The following SATB2 variants were observed in gnomAD, a reference collection of about 807,000 sequenced individuals.
The protein encoded by SATB2 is DNA-binding protein SATB2.
In SATB2, 1 loss-of-function variant was observed where a neutral mutation model predicts 73.4. The observed-to-expected ratio is 0.01, with a 90% confidence interval of 0.00 to 0.06. The LOEUF (loss-of-function observed/expected upper bound fraction) is 0.06, where lower values mean the gene tolerates loss of function less well. SATB2 is among the 10% of genes least tolerant of loss of function. The pLI is 1.00. For missense variants in SATB2, 459 were observed against 945.8 expected (o/e 0.49, Z 6.75); for synonymous variants, 397 against 367.0 (o/e 1.08, Z -0.93).
intron 7 of SATB2, among the ~76,000 whole-genome samples, chr2:199,338,580 C>G (rs1559169630): frequency 1.3e-5 from 2 of 152,036 alleles, no homozygotes; most frequent in African/African-American, 4.8e-5. Context: ...TATAATGAGT[C>G]TGGCAACTAA....
intron 10 of SATB2, among the ~76,000 whole-genome samples, chr2:199,297,925 T>C (rs1384271384): frequency 1.4e-5 from 1 of 71,064 alleles, no homozygotes; most frequent in East Asian, 2.7e-4. Flanking sequence ...TAAGTTATAA[T>C]AACTTTTAAA....
At chr2:199,468,070 C>G (rs977265830), upstream of SATB2, 1 of 151,588 alleles carries the variant, frequency 6.6e-6, no homozygotes, top group Admixed American at 6.6e-5. Context: ...CTCTCTCTCT[C>G]TCTTTTTTTT....
chr2:199,436,866 T>A (rs1373714892), intron 2 of SATB2, among the ~76,000 whole-genome samples: 1 of 146,256 alleles, frequency 6.8e-6, no homozygotes, highest in African/African-American at 2.6e-5. Context: ...AGAGAGAGAT[T>A]TGTCCATCTT....
chr2:199,286,892 A>G (rs1214048763), intron 10 of SATB2, among the ~76,000 whole-genome samples: 2 of 152,240 alleles, frequency 1.3e-5, no homozygotes, highest in African/African-American at 4.8e-5. Flanking sequence ...TTGCAAAAAA[A>G]AGTGGCTTTT....
At chr2:199,381,603 AAT>A (rs2105867689) in intron 4 of SATB2, 89 bp downstream of exon 4, 3 of 1,518,426 alleles carry the variant, frequency 2.0e-6, no homozygotes, top group East Asian at 4.5e-5. Flanking sequence ...TCCAGAAATT[AAT>A]AGACAGGACA....
rs976486332 is a variant in SATB2, at chr2:199,463,037, G to C, written c.-141+1799C>G. Among the ~76,000 whole-genome samples the C allele has an allele frequency of 6.6e-6, 1 of 152,170 alleles. No homozygotes were observed. The highest frequency in any genetic ancestry group is 2.4e-5 in the African/African-American group (1 of 41,444). On this transcript the variant is annotated intron_variant, in intron 1 of 11. Transcript: ENST00000260926. The surrounding 1 kb of genome is among the most constrained non-coding windows in gnomAD (Gnocchi z 6.4). ...CCTGGGGGAAGAAAGCGAGGAGATA[G>C]GTTTCAGAGCTGGGGGAGTCGTTGG...
At chr2:199,345,257 C>T (rs187380514) in intron 7 of SATB2, among the ~76,000 whole-genome samples, 6 of 152,134 alleles carry the variant, frequency 3.9e-5, no homozygotes, top group South Asian at 4.2e-4. Flanking sequence ...TTCTTCCTAG[C>T]GCCAAACTCA....
At chr2:199,314,939 T>C (rs557193702) in intron 9 of SATB2, among the ~76,000 whole-genome samples, 116 of 152,080 alleles carry the variant, frequency 7.6e-4, no homozygotes, top group Non-Finnish European at 1.3e-3. Flanking sequence ...AAGGCTATCA[T>C]AAAGTCAAGA....
At chr2:199,415,391 T>C (rs2105907770) in intron 3 of SATB2, among the ~76,000 whole-genome samples, 1 of 152,326 alleles carries the variant, frequency 6.6e-6, no homozygotes, top group Middle Eastern at 3.4e-3. Flanking sequence ...CAAGAATAAA[T>C]TGCTAATCAT....
intron 3 of SATB2, among the ~76,000 whole-genome samples, chr2:199,403,337 GTTGTATAATA>G (rs139359087): frequency 0.052 from 7,928 of 151,804 alleles, 694 homozygotes; most frequent in African/African-American, 0.18. Flanking sequence ...ATTGTATATT[GTTGTATAATA>G]TTGTATAATA....
chr2:199,378,023 C>T (rs1162513173), intron 5 of SATB2, among the ~76,000 whole-genome samples: 1 of 152,100 alleles, frequency 6.6e-6, no homozygotes, highest in African/African-American at 2.4e-5. Flanking sequence ...GTGAAACATG[C>T]AAATACAATG....
intron 10 of SATB2, among the ~76,000 whole-genome samples, chr2:199,298,577 C>T (rs1387216885): frequency 3.3e-5 from 5 of 152,102 alleles, no homozygotes; most frequent in Non-Finnish European, 5.9e-5. Flanking sequence ...ATTTGTAGAT[C>T]GAGTTTGTTA....
Position 199,272,239 on chromosome 2 carries a change from G to A in SATB2, c.2174C>T (p.Ala725Val), listed in dbSNP as rs767329844. Residue 725 changes from alanine (A) to valine (V), a missense_variant, in exon 11 of 11, where the codon GCA (alanine) becomes GTA (valine). Around this residue, in one of 13 missense-constraint regions of SATB2, gnomAD observed 41 missense variants for 38.6 expected, o/e 1.06. Transcript: ENST00000417098. This position sits in a 1 kb window ranked among gnomAD's most constrained non-coding sequence, Gnocchi z 6.7. ...AEEENADKSK[A>V]APAEIDQR The stretch of plus-strand genomic sequence containing the variant: ...TCTCTGGTCAATTTCGGCAGGTGCT[G>A]CCTTGCTTTTGTCAGCATTTTCCTC... The A allele has an allele frequency of 1.9e-6, 3 of 1,614,140 alleles. No homozygotes were observed. The highest frequency in any genetic ancestry group is 2.5e-6 in the Non-Finnish European group (3 of 1,180,026).
chr2:199,271,817 CT>C lies in SATB2; in HGVS notation c.*393del. The C allele has an allele frequency of 3.3e-6, 1 of 305,314 alleles. No homozygotes were observed. Among genetic ancestry groups the C allele is most frequent in the South Asian group, 3.3e-5 (1 of 30,548 alleles). The allele number at this position is 305,314 out of a possible 1,614,324, so 18.9% of individuals were successfully genotyped here. ...ATATACATATACATATACACACACACTTGTAGCTTCCTTCATTTATTTCATA... is the reference window on the plus strand; with the variant it reads ...ATATACATATACATATACACACACACTGTAGCTTCCTTCATTTATTTCATA... On this transcript the variant is annotated 3_prime_UTR_variant, in exon 11 of 11. Coordinates refer to ENST00000417098, the MANE Select transcript of SATB2 (RefSeq NM_001172509.2).
At chr2:199,384,445 G>A (rs529665745) in intron 3 of SATB2, among the ~76,000 whole-genome samples, 10 of 152,356 alleles carry the variant, frequency 6.6e-5, no homozygotes, top group African/African-American at 2.4e-4. Flanking sequence ...CTCCAGCCAG[G>A]TAGAGGCTTG....
chr2:199,291,153 C>G (rs1559144869), intron 10 of SATB2, among the ~76,000 whole-genome samples: 1 of 152,228 alleles, frequency 6.6e-6, no homozygotes, highest in Middle Eastern at 3.4e-3. Context: ...CAAAGAGAGA[C>G]TTTGTGAAGA....
chr2:199,361,757 C>CTTT (rs1420402233), intron 6 of SATB2, among the ~76,000 whole-genome samples: 1 of 140,444 alleles, frequency 7.1e-6, no homozygotes, highest in African/African-American at 2.6e-5. Context: ...CCAACCATTT[C>CTTT]TTTTTTTTTT....
chr2:199,386,710 GCGCGCGCACA>G (rs1328425674), intron 3 of SATB2, among the ~76,000 whole-genome samples: 1,174 of 90,440 alleles, frequency 0.013, 4 homozygotes, highest in African/African-American at 0.024. Context: ...GCGCGCGCGC[GCGCGCGCACA>G]CACACACACA....
At position 199,433,378 on chromosome 2, in the gene SATB2, C is replaced by A; in HGVS notation, c.306G>T (p.Leu102=). 2.5e-6 allele frequency: 4 copies of A among 1,614,140 alleles called. No individual in the cohort carries two copies. The highest frequency in any genetic ancestry group is 3.4e-6 in the Non-Finnish European group (4 of 1,180,014). The change falls in exon 3 of 11, where the codon CTG becomes CTT. Residue 102 remains leucine (L), a synonymous_variant. Coordinates refer to ENST00000417098, the MANE Select transcript of SATB2 (RefSeq NM_001172509.2). ...CAGAGCTGTGAGAATACCCCAGGGCCAGGAGCGCAGTCTCCACCAGCTGGC... is the reference window on the plus strand; with the variant it reads ...CAGAGCTGTGAGAATACCCCAGGGCAAGGAGCGCAGTCTCCACCAGCTGGC... The part of the protein sequence containing the change: ...LFSQLVETAL[L]ALGYSHSSAA...
Sources: allele counts gnomAD v4.1 joint callset (sites outside exome capture counted in the v4.1 genomes callset), GRCh38; gene constraint gnomAD v4.1.1; regional missense constraint gnomAD v4.1.1; non-coding constraint Gnocchi (gnomAD v3.1); transcripts MANE v1.5; gene names NCBI Gene and HGNC (gene_info 2026-07-23, HGNC 2026-07-21).